The following GABRB1 variants were observed in gnomAD, a reference collection of about 807,000 sequenced individuals.
The protein encoded by GABRB1 is gamma-aminobutyric acid type A receptor subunit beta1.
In GABRB1, 17 loss-of-function variants were observed where a neutral mutation model predicts 51.6. The observed-to-expected ratio is 0.33, with a 90% CI of 0.23 to 0.49. The LOEUF is 0.49. Ranked by LOEUF, GABRB1 falls within the 20% of genes least tolerant of loss-of-function variation. The probability of loss-of-function intolerance (pLI) is 0.99; values close to 1 mark genes in which losing one functional copy is unlikely to be tolerated. For synonymous variants in GABRB1, 247 were observed against 218.9 expected (o/e 1.13, Z -1.14); for missense variants, 410 against 600.6 (o/e 0.68, Z 3.32).
At chr4:47,302,190 G>A (rs562334801) in intron 4 of GABRB1, among the ~76,000 whole-genome samples, 13 of 152,172 alleles carry the variant, frequency 8.5e-5, no homozygotes, top group African/African-American at 3.1e-4. Context: ...GGGAGATACT[G>A]TGAGGATTTA....
rs564960042 is a variant in GABRB1 at position 47,105,486 on chromosome 4, C to G, written c.241-55763C>G. Among the ~76,000 whole-genome samples, 9 of 152,190 alleles carry G rather than the reference C, an allele frequency of 5.9e-5. 1 individual carries two copies. The South Asian group carries it at 1.9e-3, about 32-fold the overall frequency. The stretch of plus-strand genomic sequence containing the variant: ...TTGGTTCTTGTGGATGAGGCTTCCT[C>G]AGTGATTTTACCCTTCCTTCACCTG... On this transcript the variant is annotated intron_variant, in intron 3 of 8. Transcript: ENST00000295454.
intron 5 of GABRB1, among the ~76,000 whole-genome samples, chr4:47,349,806 A>G (rs931546026): frequency 6.6e-6 from 1 of 152,256 alleles, no homozygotes. Flanking sequence ...GGAATAGAGG[A>G]AAGAGCATAG....
intron 4 of GABRB1, among the ~76,000 whole-genome samples, chr4:47,196,406 C>T (rs571883585): frequency 6.6e-6 from 1 of 152,184 alleles, no homozygotes; most frequent in Non-Finnish European, 1.5e-5. Flanking sequence ...CAGGGAGATC[C>T]AGCACTGGAT....
At chr4:47,056,360 CT>C (rs1204201996) in intron 3 of GABRB1, among the ~76,000 whole-genome samples, 1 of 152,156 alleles carries the variant, frequency 6.6e-6, no homozygotes, top group Admixed American at 6.5e-5. Context: ...TTTTGTTTCA[CT>C]CTTGAGTTTG....
chr4:47,015,268 A>G (rs1469187599), intron 1 of GABRB1, among the ~76,000 whole-genome samples: 1 of 152,216 alleles, frequency 6.6e-6, no homozygotes, highest in East Asian at 1.9e-4. Flanking sequence ...CAGAGATTTA[A>G]GAGGACGTAT....
intron 7 of GABRB1, among the ~76,000 whole-genome samples, 193 bp downstream of exon 7, chr4:47,403,904 A>G (rs1246347950): frequency 6.6e-6 from 1 of 152,202 alleles, no homozygotes; most frequent in Non-Finnish European, 1.5e-5. Flanking sequence ...TCTTTTTAGC[A>G]TTTTACCAAA....
intron 5 of GABRB1, among the ~76,000 whole-genome samples, chr4:47,359,048 G>A (rs1433376980): frequency 6.6e-6 from 1 of 151,976 alleles, no homozygotes; most frequent in Non-Finnish European, 1.5e-5. Flanking sequence ...ACAAGCAATA[G>A]GACAAGAACA....
intron 4 of GABRB1, among the ~76,000 whole-genome samples, chr4:47,163,477 G>T (rs1718048387): frequency 6.6e-6 from 1 of 151,944 alleles, no homozygotes; most frequent in Admixed American, 6.6e-5. Context: ...TATTCCAGAA[G>T]CTGAGTAGAA....
chr4:47,053,938 T>C (rs1268348307), intron 3 of GABRB1, among the ~76,000 whole-genome samples: 1 of 152,202 alleles, frequency 6.6e-6, no homozygotes, highest in Non-Finnish European at 1.5e-5. Flanking sequence ...TGCATTGCTT[T>C]TGTCCTTTAC....
chr4:47,363,809 A>G (rs1223285099), intron 5 of GABRB1, among the ~76,000 whole-genome samples: 1 of 152,172 alleles, frequency 6.6e-6, no homozygotes, highest in Admixed American at 6.6e-5. Context: ...TGGTACTTAG[A>G]GCATAAGAGG....
At chr4:47,310,485 G>A (rs758207660) in intron 4 of GABRB1, among the ~76,000 whole-genome samples, 1 of 152,106 alleles carries the variant, frequency 6.6e-6, no homozygotes, top group Non-Finnish European at 1.5e-5. Flanking sequence ...ATATGGTAAG[G>A]TAAACTTTTA....
chr4:47,032,331 G>C, intron 2 of GABRB1, 86 bp from the exon 3 acceptor site: 5 of 1,222,798 alleles, frequency 4.1e-6, no homozygotes, highest in Non-Finnish European at 5.7e-6. Flanking sequence ...GTTAAGAATG[G>C]AGTAAGGGCT....
At chr4:47,390,860 T>A (rs778905833) in intron 5 of GABRB1, among the ~76,000 whole-genome samples, 1 of 152,140 alleles carries the variant, frequency 6.6e-6, no homozygotes, top group Non-Finnish European at 1.5e-5. Flanking sequence ...ATTGCTCCCA[T>A]GAAAACTCAA....
At chr4:47,113,524 A>T (rs1715327289) in intron 3 of GABRB1, among the ~76,000 whole-genome samples, 1 of 152,238 alleles carries the variant, frequency 6.6e-6, no homozygotes, top group African/African-American at 2.4e-5. Context: ...AGGAAAAAAT[A>T]AGTCAATATA....
chr4:47,290,540 T>C (rs1299358839), intron 4 of GABRB1, among the ~76,000 whole-genome samples: 1 of 152,080 alleles, frequency 6.6e-6, no homozygotes, highest in African/African-American at 2.4e-5. Flanking sequence ...TTGGGACAGT[T>C]TGGAGGGCTC....
rs557198228 is a variant in GABRB1, at chr4:47,269,500, G to C, written c.462-50627G>C. Among the ~76,000 whole-genome samples, 51 of 152,186 alleles carry C rather than the reference G, an allele frequency of 3.4e-4. No homozygotes were observed. In the South Asian group the frequency reaches 0.01, roughly 31 times the overall value. ...GCATCCAGTGATAGATGGCTCCAGT[G>C]GGGTTTAGTGTGAGGTGTGGGGGAG... On this transcript the variant is annotated intron_variant, in intron 4 of 8. Transcript: ENST00000295454.
chr4:47,370,779 C>A (rs1727161908), intron 5 of GABRB1, among the ~76,000 whole-genome samples: 1 of 152,172 alleles, frequency 6.6e-6, no homozygotes, highest in Non-Finnish European at 1.5e-5. Context: ...AATTCTTGGA[C>A]TTGACATCCC....
intron 3 of GABRB1, among the ~76,000 whole-genome samples, chr4:47,054,643 A>G (rs1287347413): frequency 6.6e-6 from 1 of 151,270 alleles, no homozygotes; most frequent in African/African-American, 2.4e-5. Flanking sequence ...GTGCAGTGGC[A>G]TGGTCTCGGC....
At chr4:47,077,860 A>ATTTTATATATATTATATGTAT (rs1369686455) in intron 3 of GABRB1, among the ~76,000 whole-genome samples, 2 of 140,294 alleles carry the variant, frequency 1.4e-5, no homozygotes, top group African/African-American at 2.6e-5. Flanking sequence ...ATTTTTATAT[A>ATTTTATATATATTATATGTAT]TTTTATATAT....
Sources: gnomAD v4.1 joint callset for allele counts (sites outside exome capture counted in the v4.1 genomes callset) on GRCh38, gnomAD v4.1.1 for gene constraint, MANE v1.5 for transcripts, NCBI Gene and HGNC (gene_info 2026-07-23, HGNC 2026-07-21) for gene names.